The following HSPG2 variants were observed in gnomAD, a reference collection of about 807,000 sequenced individuals.
The protein encoded by HSPG2 is basement membrane-specific heparan sulfate proteoglycan core protein.
In HSPG2, 278 loss-of-function variants were observed where a neutral mutation model predicts 526.6. That is an observed-to-expected ratio of 0.53 (90% CI 0.48 to 0.58). The LOEUF (loss-of-function observed/expected upper bound fraction) is 0.58, where lower values mean the gene tolerates loss of function less well. Ranked by LOEUF, HSPG2 falls within the 20% of genes least tolerant of loss-of-function variation. The pLI is 0.00. For synonymous variants in HSPG2, 2,465 were observed against 2,555.4 expected (o/e 0.96, Z 1.07); for missense variants, 5,354 against 6,099.5 (o/e 0.88, Z 4.07).
rs1189147859 is a variant in HSPG2, at chr1:21,828,898, C to T, written c.12174G>A (p.Glu4058=). The change falls in exon 88 of 97, where the codon GAG becomes GAA. Residue 4058 remains glutamate (E), a synonymous_variant. Transcript: ENST00000374695. This position sits in a 1 kb window ranked among gnomAD's most constrained non-coding sequence, Gnocchi z 6.0. ...LHTLLYLGGV[E]PSVPLSPATN... is the part of the protein sequence containing the mutation. Reference sequence around the variant, plus strand: ...TGGCCGGGGACAGTGGCACGGAAGGCTCCACACCCCCCAGGTAGAGCAGGG... The same window carrying T: ...TGGCCGGGGACAGTGGCACGGAAGGTTCCACACCCCCCAGGTAGAGCAGGG... The T allele has an allele frequency of 2.6e-6, 4 of 1,556,336 alleles. No homozygotes were observed. Among genetic ancestry groups the T allele is most frequent in the Non-Finnish European group, 3.5e-6 (4 of 1,149,988 alleles).
At position 21,878,565 on chromosome 1, in the gene HSPG2, G is replaced by A. The variant is rs777602558; in HGVS notation, c.2558+12C>T. The A allele has an allele frequency of 9.5e-5, 154 of 1,613,924 alleles. No individual in the cohort carries two copies. The highest frequency in any genetic ancestry group is 1.3e-4 in the Non-Finnish European group (148 of 1,179,952). On this transcript the variant is annotated intron_variant, in intron 19 of 96. Transcript: ENST00000374695. Reference sequence around the variant, plus strand: ...GAGCCCCCTTCCTGCAGCCCCCAAGGCTCTCCCTCACCTCTCACAGCGGCG... The same window carrying A: ...GAGCCCCCTTCCTGCAGCCCCCAAGACTCTCCCTCACCTCTCACAGCGGCG...
At chr1:21,920,906 C>T (rs906676102) in intron 1 of HSPG2, among the ~76,000 whole-genome samples, 7 of 152,106 alleles carry the variant, frequency 4.6e-5, no homozygotes, top group African/African-American at 1.7e-4. Context: ...TTCCTACATG[C>T]CCTCTTCAAA....
intron 1 of HSPG2, among the ~76,000 whole-genome samples, chr1:21,910,936 G>A (rs1035913801): frequency 3.3e-5 from 5 of 152,160 alleles, no homozygotes; most frequent in African/African-American, 7.2e-5. Flanking sequence ...TAAGCAGCTC[G>A]CCTGAGGTCG....
chr1:21,833,342 A>G lies in HSPG2; in HGVS notation c.11021T>C (p.Leu3674Pro). 1.2e-6 allele frequency: 2 copies of G among 1,614,108 alleles called. No homozygotes were observed. Among genetic ancestry groups the G allele is most frequent in the Non-Finnish European group, 1.7e-6 (2 of 1,179,980 alleles). The change falls in exon 80 of 97, where the codon CTA becomes CCA. Residue 3674 changes from leucine (L) to proline (P), a missense_variant. Transcript: ENST00000374695. ...GGCATCCTTGATGGTGGGCAGCGGT[A>G]GGAAGGAGTAGGGGGTCTGCGTGAA... is the stretch of plus-strand genomic sequence containing the variant. ...PYFTQTPYSF[L>P]PLPTIKDAYR...
intron 33 of HSPG2, chr1:21,870,275 C>T (rs148953490): frequency 3.5e-4 from 345 of 986,110 alleles, no homozygotes; most frequent in Non-Finnish European, 3.4e-4. Context: ...CCAGCTGTCA[C>T]GGCTGCCCGC....
At chr1:21,915,150 C>T (rs969861738) in intron 1 of HSPG2, among the ~76,000 whole-genome samples, 2 of 152,232 alleles carry the variant, frequency 1.3e-5, no homozygotes, top group Non-Finnish European at 2.9e-5. Flanking sequence ...CAGCCAAGTG[C>T]AAACAGCACA....
intron 1 of HSPG2, among the ~76,000 whole-genome samples, chr1:21,932,182 G>C (rs908201648): frequency 6.6e-6 from 1 of 152,068 alleles, no homozygotes; most frequent in Non-Finnish European, 1.5e-5. Context: ...TTCCTTGCCT[G>C]AGGTAGCCCC....
chr1:21,868,864 A>T, intron 33 of HSPG2: 1 of 890,930 alleles, frequency 1.1e-6, no homozygotes, highest in Non-Finnish European at 1.3e-6. Flanking sequence ...CACCCCTATA[A>T]TCCCCCCAAA....
chr1:21,824,060 GGCGTCCTGCCCCACTC>G lies in HSPG2; in HGVS notation c.12899+45_12899+60del. 3 of 1,450,376 alleles carry G rather than the reference GGCGTCCTGCCCCACTC, an allele frequency of 2.1e-6. No homozygotes were observed. Among genetic ancestry groups the G allele is most frequent in the South Asian group, 2.4e-5 (2 of 84,952 alleles). 89.8% of individuals were successfully genotyped at this position (1,450,376 alleles called of 1,614,324 possible). A position where few individuals can be genotyped will look rare whatever the true frequency, so the allele number is the denominator to read the frequency against. On this transcript the variant is annotated intron_variant, in intron 95 of 96. Coordinates refer to ENST00000374695, the MANE Select transcript of HSPG2 (RefSeq NM_005529.7). This position sits in a 1 kb window ranked among gnomAD's most constrained non-coding sequence, Gnocchi z 5.9. ...ACCTGCCTCTCTGCCCATGGTAGGG[GGCGTCCTGCCCCACTC>G]CAGAACGCTGGGCCCCATCCCGAGT...
At position 21,926,997 on chromosome 1, in the gene HSPG2, G is replaced by A. The variant is rs1644214210; in HGVS notation, c.63+10158C>T. Among the ~76,000 whole-genome samples the A allele has an allele frequency of 2.6e-5, 4 of 152,158 alleles. No individual in the cohort carries two copies. In the South Asian group the frequency reaches 8.3e-4, roughly 32 times the overall value. Reference sequence around the variant, plus strand: ...CCAGGACCAGGAGGTGGGGGCCGGAGCCGGCTTCCTGGGAGAGAGCCATGG... The same window carrying A: ...CCAGGACCAGGAGGTGGGGGCCGGAACCGGCTTCCTGGGAGAGAGCCATGG... On this transcript the variant is annotated intron_variant, in intron 1 of 96. Transcript: ENST00000374695.
chr1:21,835,424 C>G (rs2152697815), intron 76 of HSPG2, 116 bp downstream of exon 76: 1 of 749,402 alleles, frequency 1.3e-6, no homozygotes, highest in Non-Finnish European at 2.4e-6. Flanking sequence ...GAATAATTCT[C>G]TTTATTCTGA....
At chr1:21,875,342 G>T in intron 25 of HSPG2, 1 of 598,142 alleles carries the variant, frequency 1.7e-6, no homozygotes, top group Admixed American at 2.9e-5. Context: ...GCTGAGGCTG[G>T]GGCTAGACTT....
chr1:21,916,512 AT>A (rs1345777839), intron 1 of HSPG2, among the ~76,000 whole-genome samples: 1 of 151,858 alleles, frequency 6.6e-6, no homozygotes, highest in Non-Finnish European at 1.5e-5. Context: ...CTTAAAAAAA[AT>A]AAAAATAAAT....
chr1:21,857,153 T>C lies in HSPG2; in HGVS notation c.5437A>G (p.Lys1813Glu). Reference protein sequence around the residue: ...TLVWTRLHNGKLPTRAMDFNG... With the variant: ...TLVWTRLHNGELPTRAMDFNG... ...AAATCCATGGCTCGGGTGGGCAGTT[T>C]CCCGTTGTGCAGGCGGGTCCACACC... The change falls in exon 44 of 97, where the codon AAA becomes GAA. Residue 1813 changes from lysine (K) to glutamate (E), a missense_variant. Transcript: ENST00000374695. 1 of 1,614,144 alleles carries C rather than the reference T, an allele frequency of 6.2e-7. No individual in the cohort carries two copies. Among genetic ancestry groups the C allele is most frequent in the Non-Finnish European group, 8.5e-7 (1 of 1,180,026 alleles).
chr1:21,837,012 G>A lies in HSPG2; in HGVS notation c.10151-6C>T. The A allele has an allele frequency of 1.3e-6, 2 of 1,546,966 alleles. No homozygotes were observed. Among genetic ancestry groups the A allele is most frequent in the South Asian group, 1.2e-5 (1 of 84,086 alleles). On this transcript the variant is annotated splice_polypyrimidine_tract_variant and splice_region_variant and intron_variant, in intron 74 of 96. Coordinates refer to ENST00000374695, the MANE Select transcript of HSPG2 (RefSeq NM_005529.7). ...AGGGAGAGAGCCGGGAGGGCCTGCG[G>A]GGACATGTATGAGGTTCTGCAGGTA... is the stretch of plus-strand genomic sequence containing the variant.
chr1:21,932,911 A>G (rs1295783162), intron 1 of HSPG2, among the ~76,000 whole-genome samples: 1 of 152,086 alleles, frequency 6.6e-6, no homozygotes, highest in Non-Finnish European at 1.5e-5. Flanking sequence ...TTTGTTTTAA[A>G]TTTTTATATT....
At chr1:21,894,282 T>A (rs757684939) in intron 3 of HSPG2, among the ~76,000 whole-genome samples, 1 of 151,900 alleles carries the variant, frequency 6.6e-6, no homozygotes, top group Non-Finnish European at 1.5e-5. Context: ...GTCCAGGGTC[T>A]GGGACTGGGC....
rs770191847 is a variant in HSPG2, at chr1:21,839,907, G to A, written c.9624C>T (p.Ala3208=). Residue 3208 remains alanine (A), a synonymous_variant, in exon 72 of 97, where the codon GCC becomes GCT. Transcript: ENST00000374695. The surrounding 1 kb of genome is among the most constrained non-coding windows in gnomAD (Gnocchi z 4.5). ...VEVIVDTGAM[A]PGAPQVQAEE... is the part of the protein sequence containing the mutation. Reference sequence around the variant, plus strand: ...CAGCTTGGACCTGAGGGGCCCCTGGGGCCATGGCGCCCGTGTCCACGATCA... The same window carrying A: ...CAGCTTGGACCTGAGGGGCCCCTGGAGCCATGGCGCCCGTGTCCACGATCA... 6 of 1,614,172 alleles carry A rather than the reference G, an allele frequency of 3.7e-6. No homozygotes were observed. The highest frequency in any genetic ancestry group is 8.5e-7 in the Non-Finnish European group (1 of 1,180,036).
intron 39 of HSPG2, 145 bp from the exon 40 acceptor site, chr1:21,860,380 G>T: frequency 2.9e-6 from 2 of 691,404 alleles, no homozygotes; most frequent in South Asian, 3.6e-5. Flanking sequence ...GGACCAGACA[G>T]GCCCCAACGC....
Sources: gnomAD v4.1 joint callset for allele counts (sites outside exome capture counted in the v4.1 genomes callset) on GRCh38, gnomAD v4.1.1 for gene constraint, Gnocchi (gnomAD v3.1) non-coding constraint, MANE v1.5 for transcripts, NCBI Gene and HGNC (gene_info 2026-07-23, HGNC 2026-07-21) for gene names.